Variants in CEP85L observed in about 807,000 individuals in gnomAD.
The protein encoded by CEP85L is centrosomal protein 85L.
CEP85L carries 60 observed loss-of-function variants against 100.3 expected under a neutral mutation model. The observed-to-expected ratio is 0.60, with a 90% confidence interval of 0.49 to 0.74. The LOEUF (loss-of-function observed/expected upper bound fraction) is 0.74, where lower values mean the gene tolerates loss of function less well. Ranked by LOEUF, CEP85L falls within the 30% of genes least tolerant of loss-of-function variation. The pLI is 0.00. For synonymous variants in CEP85L, 319 were observed against 322.7 expected (o/e 0.99, Z 0.12); for missense variants, 973 against 936.2 (o/e 1.04, Z -0.51).
At chr6:118,609,411 A>G (rs987878089) in intron 2 of CEP85L, among the ~76,000 whole-genome samples, 2 of 152,212 alleles carry the variant, frequency 1.3e-5, no homozygotes, top group African/African-American at 2.4e-5. Flanking sequence ...TGTATTTATT[A>G]CCTTTATAAA....
At chr6:118,665,077 A>G (rs1482187647) in intron 1 of CEP85L, among the ~76,000 whole-genome samples, 2 of 152,102 alleles carry the variant, frequency 1.3e-5, no homozygotes, top group African/African-American at 4.8e-5. Flanking sequence ...TCCTTCAGGG[A>G]GTATGCTTTC....
chr6:118,501,562 C>G, intron 5 of CEP85L: 3 of 524,154 alleles, frequency 5.7e-6, no homozygotes, highest in Non-Finnish European at 1.1e-5. Context: ...AAGAAGAGAT[C>G]AAGAACAGTG....
At position 118,461,329 on chromosome 6, in the gene CEP85L, G is replaced by A. The variant is rs553816367; in HGVS notation, c.*4076C>T. ...CCAGCTCACTACACAGGGAAGGCTG[G>A]GCTCCAAAGACATCTATCTGATAAT... On this transcript the variant is annotated 3_prime_UTR_variant, in exon 13 of 13. Transcript: ENST00000368491. 1 of 151,800 alleles carries A rather than the reference G, an allele frequency of 6.6e-6. No individual in the cohort carries two copies. Among genetic ancestry groups the A allele is most frequent in the African/African-American group, 2.4e-5 (1 of 41,410 alleles). The allele number at this position is 151,800 out of a possible 1,614,324, so 9.4% of individuals were successfully genotyped here.
intron 9 of CEP85L, among the ~76,000 whole-genome samples, 164 bp from the exon 10 acceptor site, chr6:118,480,085 C>T (rs986289928): frequency 6.6e-6 from 1 of 151,962 alleles, no homozygotes; most frequent in Admixed American, 6.6e-5. Flanking sequence ...ACGTATAAAA[C>T]TACAAAAGTC....
At chr6:118,653,500 T>C (rs1775665782), upstream of CEP85L, among the ~76,000 whole-genome samples, 1 of 152,192 alleles carries the variant, frequency 6.6e-6, no homozygotes, top group African/African-American at 2.4e-5. Flanking sequence ...GATATGTACA[T>C]GGTATGATAC....
chr6:118,520,703 C>T (rs1010489048), intron 4 of CEP85L, among the ~76,000 whole-genome samples: 3 of 152,286 alleles, frequency 2.0e-5, no homozygotes, highest in East Asian at 1.9e-4. Flanking sequence ...CCAGCCTTCC[C>T]GCCTCCAGTA....
chr6:118,540,250 T>A (rs1777832903), intron 3 of CEP85L, among the ~76,000 whole-genome samples: 1 of 152,130 alleles, frequency 6.6e-6, no homozygotes. Context: ...GTTCCTTTCC[T>A]GTATCATGAT....
At chr6:118,522,103 G>A (rs1187447244) in intron 4 of CEP85L, among the ~76,000 whole-genome samples, 1 of 152,140 alleles carries the variant, frequency 6.6e-6, no homozygotes, top group Admixed American at 6.5e-5. Flanking sequence ...GCTCACACCT[G>A]TAATCCCAGC....
At chr6:118,495,948 A>G (rs1774891048) in intron 5 of CEP85L, among the ~76,000 whole-genome samples, 3 of 152,212 alleles carry the variant, frequency 2.0e-5, no homozygotes, top group Non-Finnish European at 4.4e-5. Flanking sequence ...GTGCAAGAGG[A>G]TATGTCATAC....
At chr6:118,630,740 C>T (rs1028066452) in intron 2 of CEP85L, among the ~76,000 whole-genome samples, 1 of 152,206 alleles carries the variant, frequency 6.6e-6, no homozygotes, top group Admixed American at 6.5e-5. Flanking sequence ...CCCCAGGCCA[C>T]AAACCAGCAC....
intron 6 of CEP85L, among the ~76,000 whole-genome samples, chr6:118,484,127 T>A (rs781202618): frequency 6.6e-6 from 1 of 152,066 alleles, no homozygotes; most frequent in Non-Finnish European, 1.5e-5. Context: ...CTGGCCAATA[T>A]GGCAAAACCC....
intron 3 of CEP85L, among the ~76,000 whole-genome samples, chr6:118,526,944 G>A (rs372370221): frequency 6.9e-6 from 1 of 145,836 alleles, no homozygotes; most frequent in Non-Finnish European, 1.5e-5. Context: ...TAGCCAACCA[G>A]CAACCCTCAG....
rs1252979752 is a variant in CEP85L at position 118,491,194 on chromosome 6, TATACACACAC to T, written c.1437+482_1437+491del. On this transcript the variant is annotated intron_variant, in intron 6 of 12. Coordinates refer to ENST00000368491, the MANE Select transcript of CEP85L (RefSeq NM_001042475.3). The stretch of plus-strand genomic sequence containing the variant: ...TTCCCTTCTATTTCATACCAACATC[TATACACACAC>T]ACACACACACACACACACACACACA... Among the ~76,000 whole-genome samples the T allele has an allele frequency of 4.8e-3, 392 of 81,294 alleles. 1 individual carries two copies. Among genetic ancestry groups the T allele is most frequent in the African/African-American group, 0.013 (345 of 26,646 alleles). 53.3% of individuals were successfully genotyped at this position (81,294 alleles called of 152,430 possible). A position where few individuals can be genotyped will look rare whatever the true frequency, so the allele number is the denominator to read the frequency against.
chr6:118,610,566 C>T (rs1772540122), intron 2 of CEP85L, among the ~76,000 whole-genome samples: 1 of 152,054 alleles, frequency 6.6e-6, no homozygotes, highest in African/African-American at 2.4e-5. Flanking sequence ...CCATCCCTAC[C>T]CAGCAGTAAC....
chr6:118,538,940 T>G (rs987505579), intron 3 of CEP85L, among the ~76,000 whole-genome samples: 4 of 152,030 alleles, frequency 2.6e-5, no homozygotes, highest in Non-Finnish European at 5.9e-5. Flanking sequence ...TAATTGACAA[T>G]TTATGAAACA....
At chr6:118,704,026 T>C (rs1266572175) in intron 1 of CEP85L, among the ~76,000 whole-genome samples, 5 of 152,168 alleles carry the variant, frequency 3.3e-5, no homozygotes, top group Non-Finnish European at 7.4e-5. Context: ...GGAAACATGG[T>C]AGCCCTTTTA....
rs1562230889 is a variant in CEP85L at position 118,527,006 on chromosome 6, T to TC, written c.1021-3087_1021-3086insG. Among the ~76,000 whole-genome samples the TC allele has an allele frequency of 5.1e-5, 5 of 98,022 alleles. No individual in the cohort carries two copies. The East Asian group carries it at 6.8e-4, about 13-fold the overall frequency. The allele number at this position is 98,022 out of a possible 152,430, so 64.3% of individuals were successfully genotyped here. ...TGTTTCATTCCTTTACTTTTTCTTTTTTTTTTTTTTTTTTTTTTTTTTAAT... is the reference window on the plus strand; with the variant it reads ...TGTTTCATTCCTTTACTTTTTCTTTTCTTTTTTTTTTTTTTTTTTTTTTAAT... On this transcript the variant is annotated intron_variant, in intron 3 of 12. Transcript: ENST00000368491.
chr6:118,534,996 T>C (rs1468217962), intron 3 of CEP85L, among the ~76,000 whole-genome samples: 1 of 152,114 alleles, frequency 6.6e-6, no homozygotes, highest in Non-Finnish European at 1.5e-5. Context: ...GCCACTGCAC[T>C]CCAGCCTGGG....
At chr6:118,569,565 C>T (rs963990228) in intron 2 of CEP85L, among the ~76,000 whole-genome samples, 2 of 151,478 alleles carry the variant, frequency 1.3e-5, no homozygotes, top group South Asian at 4.2e-4. Context: ...GTTATGCATG[C>T]TCAAACATGT....
Sources: gnomAD v4.1 joint callset for allele counts (sites outside exome capture counted in the v4.1 genomes callset) on GRCh38, gnomAD v4.1.1 for gene constraint, MANE v1.5 for transcripts, NCBI Gene and HGNC (gene_info 2026-07-23, HGNC 2026-07-21) for gene names.